ZNF529: variants seen among roughly 807,000 people sequenced by gnomAD.
ZNF529 encodes zinc finger protein 529.
A neutral mutation model predicts 10.1 loss-of-function variants in ZNF529; 11 were observed. The ratio of observed to expected loss-of-function variants is 1.09; its 90% CI spans 0.69 to 1.81. ZNF529 has a LOEUF of 1.81. ZNF529 is among the 40% of genes most tolerant of loss of function. ZNF529 has a pLI of 0.00. For synonymous variants in ZNF529, 204 were observed against 215.7 expected, an observed-to-expected ratio of 0.95 and a Z score of 0.47; for missense variants, 624 against 666.8, an observed-to-expected ratio of 0.94 and a Z score of 0.71.
chr19:36,580,335 T>C (rs2036435590), intron 2 of ZNF529: 1 of 141,066 alleles, frequency 7.1e-6, no homozygotes, highest in African/African-American at 2.8e-5. Context: ...TTACATAAAC[T>C]AGTAATGTAA....
At chr19:36,561,329 G>GC (rs1376949185) in intron 2 of ZNF529, among the ~76,000 whole-genome samples, 1 of 152,030 alleles carries the variant, frequency 6.6e-6, no homozygotes, top group Non-Finnish European at 1.5e-5. Flanking sequence ...TACTGATTTT[G>GC]CAAGTGTGCA....
In ZNF529 at chr19:36,582,722, A is replaced by AT. The variant is rs1215457278; in HGVS notation, c.-41+6892_-41+6893insA. On this transcript the variant is annotated intron_variant, in intron 2 of 4. Coordinates refer to the ZNF529 transcript ENST00000585960. ...GACTCCATCTTAAAAAAAAAAAAAA[A>AT]AAAAAGATGAGCATAAATCAATTAA... 7.9e-5 allele frequency: 12 copies of AT among 152,066 alleles called. 1 individual carries two copies. In the East Asian group the frequency reaches 2.3e-3, roughly 29 times the overall value. 9.4% of individuals were successfully genotyped at this position (152,066 alleles called of 1,614,324 possible).
At chr19:36,587,289 T>C (rs983296740) in intron 2 of ZNF529, 2 of 151,206 alleles carry the variant, frequency 1.3e-5, no homozygotes, top group East Asian at 1.9e-4. Context: ...AAAAATCCCA[T>C]TAGGGAAATG....
chr19:36,573,250 G>A lies in ZNF529; in HGVS notation c.-157C>T, dbSNP rs574145130. ...TCACCGCGAGCTCCTCCCGCAGCCCGGCCCGGGTCACCTCGACTCGCCAGG... is the reference window on the plus strand; with the variant it reads ...TCACCGCGAGCTCCTCCCGCAGCCCAGCCCGGGTCACCTCGACTCGCCAGG... On this transcript the variant is annotated 5_prime_UTR_variant, in exon 1 of 5. Coordinates refer to ENST00000591340, the MANE Select transcript of ZNF529 (RefSeq NM_020951.5). 15 of 306,438 alleles carry A rather than the reference G, an allele frequency of 4.9e-5. No homozygotes were observed. The highest frequency in any genetic ancestry group is 3.5e-4 in the East Asian group (4 of 11,558). 19.0% of individuals were successfully genotyped at this position (306,438 alleles called of 1,614,324 possible).
At chr19:36,554,420 T>C (rs1206423905) in intron 4 of ZNF529, among the ~76,000 whole-genome samples, 1 of 152,020 alleles carries the variant, frequency 6.6e-6, no homozygotes, top group East Asian at 1.9e-4. Flanking sequence ...CTACTAAAAA[T>C]ACAAAAAATT....
chr19:36,591,620 G>A (rs2036718247), intron 1 of ZNF529, among the ~76,000 whole-genome samples: 1 of 151,908 alleles, frequency 6.6e-6, no homozygotes, highest in Admixed American at 6.6e-5. Flanking sequence ...AGCTACTCAG[G>A]AGGCTGAGGC....
intron 2 of ZNF529, among the ~76,000 whole-genome samples, chr19:36,562,121 C>T (rs2035721611): frequency 6.6e-6 from 1 of 152,180 alleles, no homozygotes; most frequent in Middle Eastern, 3.4e-3. Flanking sequence ...GCCTGTAATC[C>T]CAGCTACTCG....
chr19:36,545,726 TA>T lies in ZNF529; in HGVS notation c.*1139del, dbSNP rs760895852. On this transcript the variant is annotated 3_prime_UTR_variant, in exon 5 of 5. Coordinates refer to ENST00000591340, the MANE Select transcript of ZNF529 (RefSeq NM_020951.5). ...AAAAAGAAAAATAATGATAATAGATTAAAAAAACAATTGAAGCCATGTTAAT... is the reference window on the plus strand; with the variant it reads ...AAAAAGAAAAATAATGATAATAGATTAAAAAACAATTGAAGCCATGTTAAT... The T allele has an allele frequency of 6.6e-6, 1 of 151,886 alleles. No individual in the cohort carries two copies. Among genetic ancestry groups the T allele is most frequent in the Admixed American group, 6.6e-5 (1 of 15,232 alleles). The allele number at this position is 151,886 out of a possible 1,614,324, so 9.4% of individuals were successfully genotyped here. A position where few individuals can be genotyped will look rare whatever the true frequency, so the allele number is the denominator to read the frequency against.
At chr19:36,557,435 C>G (rs560801198) in intron 2 of ZNF529, among the ~76,000 whole-genome samples, 2 of 152,122 alleles carry the variant, frequency 1.3e-5, no homozygotes, top group East Asian at 3.9e-4. Context: ...TCATGGCAGA[C>G]GGCACCTCTT....
chr19:36,547,040 A>G lies in ZNF529; in HGVS notation c.1518T>C (p.Tyr506=), dbSNP rs375029468. The G allele has an allele frequency of 3.1e-4, 508 of 1,613,938 alleles. 1 individual carries two copies. The highest frequency in any genetic ancestry group is 4.0e-4 in the Non-Finnish European group (471 of 1,179,986). The stretch of plus-strand genomic sequence containing the variant: ...AGGCCTTCCCACATGCCTTGCATTC[A>G]TAGGGTTTTTCTCCAGTATGAATTC... ...HQRIHTGEKP[Y]ECKACGKAFR... is the part of the protein sequence containing the mutation. Residue 506 remains tyrosine (Y), a synonymous_variant, in exon 5 of 5, where the codon TAT becomes TAC. Coordinates refer to ENST00000591340, the MANE Select transcript of ZNF529 (RefSeq NM_020951.5).
chr19:36,571,725 G>C (rs2036122400), intron 2 of ZNF529, among the ~76,000 whole-genome samples: 1 of 151,428 alleles, frequency 6.6e-6, no homozygotes, highest in Admixed American at 6.6e-5. Flanking sequence ...TACCTAAGTG[G>C]CTTTATATTA....
chr19:36,561,491 T>C (rs1454206778), intron 2 of ZNF529, among the ~76,000 whole-genome samples: 1 of 152,036 alleles, frequency 6.6e-6, no homozygotes, highest in Admixed American at 6.6e-5. Flanking sequence ...CAAGCAATTC[T>C]TTTGTCTCAG....
rs1491095167 is a variant in ZNF529, at chr19:36,546,061, G to GTGTA, written c.*804_*805insTACA. ...ATACATATATTGTGTGTGTGTGTGT[G>GTGTA]TATATATATATATATATATAGTGTG... On this transcript the variant is annotated 3_prime_UTR_variant, in exon 5 of 5. Coordinates refer to ENST00000591340, the MANE Select transcript of ZNF529 (RefSeq NM_020951.5). 7.7e-6 allele frequency: 1 copy of GTGTA among 130,112 alleles called. No individual in the cohort carries two copies. Among genetic ancestry groups the GTGTA allele is most frequent in the Non-Finnish European group, 1.6e-5 (1 of 61,640 alleles). 8.1% of individuals were successfully genotyped at this position (130,112 alleles called of 1,614,324 possible).
At chr19:36,563,188 G>A (rs2035773297) in intron 2 of ZNF529, among the ~76,000 whole-genome samples, 1 of 152,132 alleles carries the variant, frequency 6.6e-6, no homozygotes, top group African/African-American at 2.4e-5. Flanking sequence ...TTGGGAGGGT[G>A]AGGCAGGTGG....
chr19:36,595,796 CAT>C (rs2036827684), intron 1 of ZNF529, among the ~76,000 whole-genome samples: 1 of 152,222 alleles, frequency 6.6e-6, no homozygotes, highest in South Asian at 2.1e-4. Flanking sequence ...CTACAATATA[CAT>C]ATAATATTGT....
At chr19:36,568,974 C>T (rs1384860764) in intron 2 of ZNF529, among the ~76,000 whole-genome samples, 2 of 152,050 alleles carry the variant, frequency 1.3e-5, no homozygotes, top group African/African-American at 4.8e-5. Flanking sequence ...TTGGAGCAAA[C>T]GATTACAGGT....
At chr19:36,597,960 AGCAGGCT>A (rs2145291130) in intron 1 of ZNF529, among the ~76,000 whole-genome samples, 1 of 152,320 alleles carries the variant, frequency 6.6e-6, no homozygotes, top group East Asian at 1.9e-4. Flanking sequence ...GGTAGATTTG[AGCAGGCT>A]GCAATCTGTT....
At chr19:36,573,573 G>C (rs890287724), upstream of ZNF529, 4 of 457,866 alleles carry the variant, frequency 8.7e-6, no homozygotes, top group African/African-American at 8.0e-5. Flanking sequence ...GGACAGAATG[G>C]GGAACAGGAA....
chr19:36,547,732 G>T lies in ZNF529; in HGVS notation c.826C>A (p.His276Asn), dbSNP rs1390757634. ...CATTCAAAGTGTTTCTCACCATCAT[G>T]AACTCTTTGAAGTGGAGTAACTTTT... ...VGKVTPLQRV[H>N]DGEKHFECSF... Residue 276 changes from histidine to asparagine, a missense_variant, in exon 5 of 5, where the codon CAT becomes AAT. Physicochemically the swap from His to Asn is moderately conservative, Grantham distance 68. Coordinates refer to ENST00000591340, the MANE Select transcript of ZNF529 (RefSeq NM_020951.5). The T allele has an allele frequency of 6.2e-7, 1 of 1,613,810 alleles. No homozygotes were observed. Among genetic ancestry groups the T allele is most frequent in the Admixed American group, 1.7e-5 (1 of 60,022 alleles).
Sources: gnomAD v4.1 joint callset for allele counts (sites outside exome capture counted in the v4.1 genomes callset) on GRCh38, gnomAD v4.1.1 for gene constraint, MANE v1.5 for transcripts, NCBI Gene and HGNC (gene_info 2026-07-23, HGNC 2026-07-21) for gene names.